The following ABHD5 variants were observed in gnomAD, a reference collection of about 807,000 sequenced individuals.
ABHD5 encodes the protein abhydrolase domain containing 5, lysophosphatidic acid acyltransferase, also known as 1-acylglycerol-3-phosphate O-acyltransferase ABHD5.
In ABHD5, 30 loss-of-function variants were observed where a neutral mutation model predicts 44.9. The observed-to-expected ratio is 0.67, with a 90% CI of 0.50 to 0.91. The LOEUF (loss-of-function observed/expected upper bound fraction) is 0.91. Among genes scored for constraint, ABHD5 ranks in the 40% least tolerant of loss-of-function variants. The probability of loss-of-function intolerance (pLI) is 0.00; values close to 1 mark genes in which losing one functional copy is unlikely to be tolerated. For missense variants in ABHD5, 399 were observed against 423.4 expected, an observed-to-expected ratio of 0.94 and a Z score of 0.50; for synonymous variants, 167 against 147.0, an observed-to-expected ratio of 1.14 and a Z score of -0.99.
At chr3:43,712,313 G>GT (rs2084699569) in intron 4 of ABHD5, among the ~76,000 whole-genome samples, 1 of 152,170 alleles carries the variant, frequency 6.6e-6, no homozygotes. Context: ...GGGATAACAG[G>GT]TACCACCACA....
chr3:43,726,595 A>G (rs953001534), downstream of ABHD5, among the ~76,000 whole-genome samples: 1 of 152,220 alleles, frequency 6.6e-6, no homozygotes, highest in African/African-American at 2.4e-5. Context: ...ATGACCTCTT[A>G]GCTTCACTTG....
intron 5 of ABHD5, 41 bp downstream of exon 5, chr3:43,715,099 G>GTA (rs2084746561): frequency 2.6e-6 from 3 of 1,134,772 alleles, no homozygotes; most frequent in Non-Finnish European, 4.0e-6. Context: ...GTGTGTGTGT[G>GTA]TGTGTGTGTG....
chr3:43,716,695 A>C (rs2084767153), intron 5 of ABHD5, among the ~76,000 whole-genome samples: 1 of 152,124 alleles, frequency 6.6e-6, no homozygotes, highest in South Asian at 2.1e-4. Flanking sequence ...CACACTTCCA[A>C]CAGTTTTTTT....
intron 3 of ABHD5, 147 bp downstream of exon 3, chr3:43,702,734 A>G (rs1461875337): frequency 9.3e-7 from 1 of 1,075,644 alleles, no homozygotes; most frequent in African/African-American, 1.6e-5. Context: ...ACTGATGACC[A>G]ATATAGTAGC....
downstream of ABHD5, among the ~76,000 whole-genome samples, chr3:43,723,295 T>C (rs2084855982): frequency 6.6e-6 from 1 of 152,238 alleles, no homozygotes. Context: ...CCCAACTTCT[T>C]TGTGTATCAA....
intron 3 of ABHD5, among the ~76,000 whole-genome samples, chr3:43,704,254 G>A (rs756857097): frequency 2.7e-4 from 41 of 152,024 alleles, no homozygotes; most frequent in Non-Finnish European, 5.0e-4. Flanking sequence ...GGCCAGGCTG[G>A]TCTCAAACTC....
intron 5 of ABHD5, among the ~76,000 whole-genome samples, chr3:43,717,200 A>T (rs1247677284): frequency 7.5e-6 from 1 of 133,800 alleles, no homozygotes; most frequent in Non-Finnish European, 1.5e-5. Flanking sequence ...AACAAAAAAA[A>T]AAAATGAATA....
intron 4 of ABHD5, among the ~76,000 whole-genome samples, chr3:43,712,359 G>A (rs895156500): frequency 6.6e-6 from 1 of 152,134 alleles, no homozygotes; most frequent in African/African-American, 2.4e-5. Context: ...TCAGAGTGTT[G>A]GAAAGATAAA....
intron 3 of ABHD5, among the ~76,000 whole-genome samples, chr3:43,711,423 C>CT (rs1340489499): frequency 6.6e-6 from 1 of 151,940 alleles, no homozygotes; most frequent in Non-Finnish European, 1.5e-5. Flanking sequence ...GCCCTTTTTT[C>CT]TTTTTCTCAA....
chr3:43,726,503 G>C (rs2084878778), downstream of ABHD5, among the ~76,000 whole-genome samples: 1 of 152,196 alleles, frequency 6.6e-6, no homozygotes, highest in South Asian at 2.1e-4. Flanking sequence ...ACTGCTGAGG[G>C]ACAGCTGTCC....
chr3:43,694,258 CA>C (rs80129256), intron 1 of ABHD5, among the ~76,000 whole-genome samples: 668 of 45,564 alleles, frequency 0.015, 5 homozygotes, highest in East Asian at 0.06. Flanking sequence ...GACTCCGTCT[CA>C]AAAAAAAAAA....
chr3:43,699,539 A>G, intron 2 of ABHD5, 178 bp downstream of exon 2: 1 of 659,352 alleles, frequency 1.5e-6, no homozygotes. Context: ...GGCAGGTAGG[A>G]GTTCTAAAAC....
At position 43,722,276 on chromosome 3, in the gene ABHD5, A is replaced by G. The variant is rs1291538757; in HGVS notation, c.*3744A>G. 1 of 152,234 alleles carries G rather than the reference A, an allele frequency of 6.6e-6. No individual in the cohort carries two copies. Among genetic ancestry groups the G allele is most frequent in the East Asian group, 1.9e-4 (1 of 5,202 alleles). 9.4% of individuals were successfully genotyped at this position (152,234 alleles called of 1,614,324 possible). A position where few individuals can be genotyped will look rare whatever the true frequency, so the allele number is the denominator to read the frequency against. ...AGAAAGGACTGCGAACTATTTTTGT[A>G]GTTCTGGTCTGGAGAAATCTCCAGA... On this transcript the variant is annotated 3_prime_UTR_variant, in exon 7 of 7. Transcript: ENST00000644371.
intron 1 of ABHD5, among the ~76,000 whole-genome samples, chr3:43,693,294 T>C (rs747962142): frequency 6.6e-6 from 1 of 152,178 alleles, no homozygotes; most frequent in African/African-American, 2.4e-5. Flanking sequence ...AAATTGGCCA[T>C]GGTGGGAGTA....
chr3:43,704,501 C>T (rs1042985708), intron 3 of ABHD5, among the ~76,000 whole-genome samples: 1 of 152,194 alleles, frequency 6.6e-6, no homozygotes, highest in Non-Finnish European at 1.5e-5. Context: ...ATGTCTGTGT[C>T]TGTCTTGTGG....
chr3:43,712,409 A>G (rs774400952), intron 4 of ABHD5, among the ~76,000 whole-genome samples: 39 of 152,044 alleles, frequency 2.6e-4, no homozygotes, highest in Non-Finnish European at 1.9e-4. Flanking sequence ...CCTGATATAT[A>G]TTTCTGGTCA....
intron 1 of ABHD5, among the ~76,000 whole-genome samples, chr3:43,698,820 G>A (rs1423521663): frequency 2.6e-5 from 4 of 152,116 alleles, no homozygotes; most frequent in Non-Finnish European, 5.9e-5. Flanking sequence ...AAAAATGGTC[G>A]ATCTCAGATT....
rs2084748813 is a variant in ABHD5 at position 43,715,197 on chromosome 3, G to A, written c.773+139G>A. ...TCATTCAATACGGGGTTTCGCTCTTGTCACCCAGGCTGGAGGGCAATGGTG... is the reference window on the plus strand; with the variant it reads ...TCATTCAATACGGGGTTTCGCTCTTATCACCCAGGCTGGAGGGCAATGGTG... On this transcript the variant is annotated intron_variant, in intron 5 of 6. Transcript: ENST00000644371. 3.7e-5 allele frequency: 24 copies of A among 641,446 alleles called. No homozygotes were observed. In the South Asian group the frequency reaches 4.1e-4, roughly 11 times the overall value. The allele number at this position is 641,446 out of a possible 1,614,324, so 39.7% of individuals were successfully genotyped here. A position where few individuals can be genotyped will look rare whatever the true frequency, so the allele number is the denominator to read the frequency against.
chr3:43,724,526 A>G (rs145362999), downstream of ABHD5, among the ~76,000 whole-genome samples: 1 of 152,232 alleles, frequency 6.6e-6, no homozygotes, highest in Non-Finnish European at 1.5e-5. Context: ...GTTCATTGCA[A>G]TATGGTAATA....
Sources: allele counts gnomAD v4.1 joint callset (sites outside exome capture counted in the v4.1 genomes callset), GRCh38; gene constraint gnomAD v4.1.1; transcripts MANE v1.5; gene names NCBI Gene and HGNC (gene_info 2026-07-23, HGNC 2026-07-21).